The following CSMD1 variants were observed in gnomAD, a reference collection of about 807,000 sequenced individuals.
CSMD1 encodes CUB and Sushi multiple domains 1, also known as CUB and sushi domain-containing protein 1.
CSMD1 carries 213 observed loss-of-function variants against 417.5 expected under a neutral mutation model. That is an observed-to-expected ratio of 0.51 (90% CI 0.46 to 0.57). CSMD1 has a LOEUF of 0.57. Among genes scored for constraint, CSMD1 ranks in the 20% least tolerant of loss-of-function variants. The pLI is 0.00. For synonymous variants in CSMD1, 2,862 were observed against 1,736.8 expected (o/e 1.65, Z -16.11); for missense variants, 6,923 against 4,529.7 (o/e 1.53, Z -15.17).
intron 41 of CSMD1, among the ~76,000 whole-genome samples, chr8:3,135,950 T>A (rs1233947085): frequency 6.6e-6 from 1 of 152,146 alleles, no homozygotes; most frequent in African/African-American, 2.4e-5. Flanking sequence ...CAAAAAGAAT[T>A]CAGGTGTCAC....
At chr8:4,517,639 C>T (rs570599913) in intron 2 of CSMD1, among the ~76,000 whole-genome samples, 7 of 152,072 alleles carry the variant, frequency 4.6e-5, no homozygotes, top group Admixed American at 2.0e-4. Flanking sequence ...CTAAGAGCCA[C>T]GAAGTTATTC....
At chr8:3,770,295 A>C (rs558099395) in intron 5 of CSMD1, among the ~76,000 whole-genome samples, 1 of 151,850 alleles carries the variant, frequency 6.6e-6, no homozygotes, top group South Asian at 2.1e-4. Flanking sequence ...TGGGAGGCCG[A>C]GGGCGGGGGT....
chr8:4,006,032 T>C (rs901903189), intron 4 of CSMD1, among the ~76,000 whole-genome samples: 8 of 152,054 alleles, frequency 5.3e-5, no homozygotes, highest in Non-Finnish European at 1.0e-4. Context: ...TTAGGACAGA[T>C]TTGAAAAAAA....
chr8:3,962,852 G>A lies in CSMD1; in HGVS notation c.818+35051C>T, dbSNP rs528443026. Among the ~76,000 whole-genome samples, 6 of 152,252 alleles carry A rather than the reference G, an allele frequency of 3.9e-5. No homozygotes were observed. The South Asian group carries it at 1.0e-3, about 26-fold the overall frequency. ...TTACATGTTGTGATAAAACAGACAT[G>A]ATTTCTATTATTCAAGCTGTAAAAC... On this transcript the variant is annotated intron_variant, in intron 5 of 69. Transcript: ENST00000635120.
At chr8:4,728,082 A>C (rs1046437241) in intron 1 of CSMD1, among the ~76,000 whole-genome samples, 3 of 146,856 alleles carry the variant, frequency 2.0e-5, no homozygotes, top group African/African-American at 7.4e-5. Flanking sequence ...ATATGTTTGT[A>C]GGTAAATATG....
intron 18 of CSMD1, among the ~76,000 whole-genome samples, chr8:3,377,191 G>A (rs1810363482): frequency 6.6e-6 from 1 of 151,948 alleles, no homozygotes; most frequent in East Asian, 1.9e-4. Flanking sequence ...GTGTTTTTTT[G>A]TGTGGAAATG....
At chr8:4,489,752 G>A (rs1033365958) in intron 2 of CSMD1, among the ~76,000 whole-genome samples, 2 of 152,198 alleles carry the variant, frequency 1.3e-5, no homozygotes, top group African/African-American at 4.8e-5. Flanking sequence ...AGCTGCCGCG[G>A]TGTGAGATGT....
At chr8:4,946,179 G>A (rs990272747) in intron 1 of CSMD1, among the ~76,000 whole-genome samples, 1 of 152,160 alleles carries the variant, frequency 6.6e-6, no homozygotes, top group Non-Finnish European at 1.5e-5. Flanking sequence ...GATACTCCGT[G>A]TTGTTTTGGT....
intron 5 of CSMD1, among the ~76,000 whole-genome samples, chr8:3,964,107 G>A (rs140199275): frequency 1.3e-5 from 2 of 152,124 alleles, no homozygotes; most frequent in African/African-American, 4.8e-5. Context: ...AAAAGAACCT[G>A]CTTTCAGAAA....
rs544025465 is a variant in CSMD1, at chr8:3,087,262, G to T, written c.7309C>A (p.Pro2437Thr). ...TTTAGAATACCCCCATTCTTCAGGG[G>T]GTGGGTCAAACTGCAGTAAGGTGCT... ...YAAPYCSLTH[P>T]LKNGGILNRT... The change falls in exon 49 of 70, where the codon CCC (proline) becomes ACC (threonine). Residue 2437 changes from proline (P) to threonine (T), a missense_variant. Physicochemically the swap from Pro to Thr is conservative, Grantham distance 38 (BLOSUM62 -1). Transcript: ENST00000635120. 1.9e-6 allele frequency: 3 copies of T among 1,613,914 alleles called. No homozygotes were observed. Among genetic ancestry groups the T allele is most frequent in the East Asian group, 2.2e-5 (1 of 44,874 alleles).
intron 57 of CSMD1, among the ~76,000 whole-genome samples, chr8:2,970,881 T>C (rs1585071541): frequency 6.6e-6 from 1 of 152,234 alleles, no homozygotes; most frequent in African/African-American, 2.4e-5. Flanking sequence ...CTCCACACTT[T>C]GTTATAACTA....
chr8:3,982,593 C>G (rs950618006), intron 5 of CSMD1, among the ~76,000 whole-genome samples: 2 of 150,316 alleles, frequency 1.3e-5, no homozygotes, highest in African/African-American at 4.9e-5. Flanking sequence ...AATTTCACTA[C>G]TATTATGAAG....
At chr8:4,508,005 C>A (rs182521044) in intron 2 of CSMD1, among the ~76,000 whole-genome samples, 1 of 150,294 alleles carries the variant, frequency 6.7e-6, no homozygotes, top group Non-Finnish European at 1.5e-5. Context: ...CAAAACTGAA[C>A]GTTTCTCAGT....
intron 3 of CSMD1, among the ~76,000 whole-genome samples, chr8:4,125,209 G>C (rs1005865585): frequency 6.6e-6 from 1 of 152,120 alleles, no homozygotes; most frequent in Admixed American, 6.5e-5. Context: ...TAAAGGGAAA[G>C]GTCGAGCTGG....
intron 1 of CSMD1, among the ~76,000 whole-genome samples, chr8:4,670,703 T>C (rs1327685750): frequency 1.3e-5 from 2 of 152,212 alleles, no homozygotes; most frequent in Middle Eastern, 3.2e-3. Flanking sequence ...GATTCACGTC[T>C]CTTAAGGCAG....
intron 49 of CSMD1, among the ~76,000 whole-genome samples, chr8:3,071,290 G>C (rs1247103702): frequency 1.3e-5 from 2 of 152,084 alleles, no homozygotes; most frequent in African/African-American, 2.4e-5. Flanking sequence ...ATGTAAGTGG[G>C]AGATGAACAA....
intron 12 of CSMD1, among the ~76,000 whole-genome samples, chr8:3,457,728 C>T (rs1383850589): frequency 1.3e-5 from 2 of 151,980 alleles, no homozygotes; most frequent in Non-Finnish European, 2.9e-5. Flanking sequence ...AACAGAAATA[C>T]CAAAGAAAAA....
chr8:3,684,229 T>C (rs1277191582), intron 7 of CSMD1, among the ~76,000 whole-genome samples: 2 of 143,514 alleles, frequency 1.4e-5, no homozygotes, highest in Non-Finnish European at 3.0e-5. Flanking sequence ...TAACATAATA[T>C]ATAATATATA....
At position 4,229,988 on chromosome 8, in the gene CSMD1, A is replaced by C. The variant is rs115203944; in HGVS notation, c.415+189965T>G. 7.1e-3 allele frequency among the ~76,000 whole-genome samples: 1,088 copies of C among 152,322 alleles called. 10 individuals carry two copies. The highest frequency in any genetic ancestry group is 0.021 in the African/African-American group (865 of 41,568). ...TCCTAAAGCCGACATTATAACACTTAAGTCTGTAATAAATGCATATGATTT... is the reference window on the plus strand; with the variant it reads ...TCCTAAAGCCGACATTATAACACTTCAGTCTGTAATAAATGCATATGATTT... On this transcript the variant is annotated intron_variant, in intron 3 of 69. Coordinates refer to ENST00000635120, the MANE Select transcript of CSMD1 (RefSeq NM_033225.6).
Sources: allele counts gnomAD v4.1 joint callset (sites outside exome capture counted in the v4.1 genomes callset), GRCh38; gene constraint gnomAD v4.1.1; transcripts MANE v1.5; gene names NCBI Gene and HGNC (gene_info 2026-07-23, HGNC 2026-07-21).